The following ZNF292 variants were observed in gnomAD, a reference collection of about 807,000 sequenced individuals.
ZNF292 encodes 16 zinc-finger domain protein.
A neutral mutation model predicts 217.9 loss-of-function variants in ZNF292; 26 were observed. That is an observed-to-expected ratio of 0.12 (90% CI 0.09 to 0.17). ZNF292 has a LOEUF of 0.17. Ranked by LOEUF, ZNF292 falls within the 10% of genes least tolerant of loss-of-function variation. The pLI is 1.00. For synonymous variants in ZNF292, 1,257 were observed against 1,124.1 expected, an observed-to-expected ratio of 1.12 and a Z score of -2.37; for missense variants, 2,904 against 3,175.2, an observed-to-expected ratio of 0.91 and a Z score of 2.05.
intron 7 of ZNF292, among the ~76,000 whole-genome samples, chr6:87,253,242 TGA>T: frequency 7.4e-6 from 1 of 134,734 alleles, no homozygotes; most frequent in African/African-American, 2.9e-5. Context: ...TTTTTTTTTT[TGA>T]GACAGGGTCT....
At chr6:87,252,533 G>A (rs996200302) in intron 7 of ZNF292, among the ~76,000 whole-genome samples, 2 of 152,142 alleles carry the variant, frequency 1.3e-5, no homozygotes, top group South Asian at 2.1e-4. Context: ...ACTTTCACCA[G>A]TAAGAACTTG....
intron 1 of ZNF292, among the ~76,000 whole-genome samples, chr6:87,186,054 C>T (rs1771641445): frequency 6.6e-6 from 1 of 152,180 alleles, no homozygotes; most frequent in South Asian, 2.1e-4. Flanking sequence ...AGTCTTCAGC[C>T]CCTCTCTGCT....
At chr6:87,201,703 C>T (rs1351878428) in intron 1 of ZNF292, among the ~76,000 whole-genome samples, 2 of 152,200 alleles carry the variant, frequency 1.3e-5, no homozygotes, top group Non-Finnish European at 2.9e-5. Flanking sequence ...CACACCCAGC[C>T]TCATCCTAAA....
Position 87,256,935 on chromosome 6 carries a change from C to G in ZNF292, c.3306C>G (p.Val1102=). The change falls in exon 8 of 8, where the codon GTC becomes GTG. Residue 1102 remains valine, a synonymous_variant. Coordinates refer to ENST00000369577, the MANE Select transcript of ZNF292 (RefSeq NM_015021.3). ...KAPVQKFSCQ[V]EGCTRTYNSS... Reference sequence around the variant, plus strand: ...CAGTTCAGAAATTCAGCTGCCAGGTCGAGGGATGTACTCGAACCTATAATT... The same window carrying G: ...CAGTTCAGAAATTCAGCTGCCAGGTGGAGGGATGTACTCGAACCTATAATT... 1 of 1,613,698 alleles carries G rather than the reference C, an allele frequency of 6.2e-7. No individual in the cohort carries two copies.
chr6:87,228,531 A>G (rs917826084), intron 4 of ZNF292, among the ~76,000 whole-genome samples: 2 of 152,098 alleles, frequency 1.3e-5, no homozygotes, highest in African/African-American at 2.4e-5. Flanking sequence ...GCTTTTCTCT[A>G]TGGTTTCTTC....
chr6:87,214,131 T>C (rs1336770192), intron 1 of ZNF292, among the ~76,000 whole-genome samples: 1 of 152,218 alleles, frequency 6.6e-6, no homozygotes, highest in Admixed American at 6.5e-5. Context: ...TAAAAGGCTT[T>C]AATTTCTGTG....
chr6:87,240,305 C>T lies in ZNF292; in HGVS notation c.742-3170C>T, dbSNP rs539537111. 4.4e-4 allele frequency among the ~76,000 whole-genome samples: 62 copies of T among 140,536 alleles called. 1 individual carries two copies. Among genetic ancestry groups the T allele is most frequent in the African/African-American group, 1.6e-3 (58 of 37,208 alleles). 92.2% of individuals were successfully genotyped at this position (140,536 alleles called of 152,430 possible). On this transcript the variant is annotated intron_variant, in intron 5 of 7. Transcript: ENST00000369577. ...GCAGTGAGCAGAGATGGTGGCAGTA[C>T]AGTCCAGCTTCAGCTCGGCATCAGA... is the stretch of plus-strand genomic sequence containing the variant.
intron 1 of ZNF292, among the ~76,000 whole-genome samples, chr6:87,176,959 A>G (rs558150461): frequency 2.6e-5 from 4 of 152,140 alleles, no homozygotes; most frequent in South Asian, 4.2e-4. Flanking sequence ...CCTCCCACCA[A>G]TAAGAAAGCC....
Position 87,261,889 on chromosome 6 carries a change from AT to A in ZNF292, c.*95del. ...GCTAGAATTGTGAAACTTTCATTAT[AT>A]TTTTTTGTTGTTGACATGAATTAAC... On this transcript the variant is annotated 3_prime_UTR_variant, in exon 8 of 8. Coordinates refer to ENST00000369577, the MANE Select transcript of ZNF292 (RefSeq NM_015021.3). 1.6e-5 allele frequency: 16 copies of A among 996,694 alleles called. No individual in the cohort carries two copies. Among genetic ancestry groups the A allele is most frequent in the South Asian group, 2.9e-5 (1 of 34,972 alleles). The allele number at this position is 996,694 out of a possible 1,614,324, so 61.7% of individuals were successfully genotyped here.
intron 4 of ZNF292, among the ~76,000 whole-genome samples, chr6:87,227,586 C>T (rs1365322824): frequency 6.6e-6 from 1 of 152,120 alleles, no homozygotes; most frequent in Non-Finnish European, 1.5e-5. Flanking sequence ...CATTAAACAA[C>T]AACTCCCCTT....
At chr6:87,173,527 C>CTTTG (rs977571505) in intron 1 of ZNF292, 10 of 163,542 alleles carry the variant, frequency 6.1e-5, no homozygotes, top group African/African-American at 2.4e-4. Flanking sequence ...TTTTCTCCTC[C>CTTTG]TTTGGCTCAT....
In ZNF292 at chr6:87,206,759, A is replaced by G. The variant is rs1056061433; in HGVS notation, c.169-9144A>G. On this transcript the variant is annotated intron_variant, in intron 1 of 7. Coordinates refer to ENST00000369577, the MANE Select transcript of ZNF292 (RefSeq NM_015021.3). ...CAATCACTTTGTCATGCAAAATTGC[A>G]CATTAAAGATCACGGGGCTTACCGA... is the stretch of plus-strand genomic sequence containing the variant. 4.6e-5 allele frequency among the ~76,000 whole-genome samples: 7 copies of G among 152,350 alleles called. No homozygotes were observed. In the East Asian group the frequency reaches 1.3e-3, roughly 29 times the overall value.
chr6:87,241,754 T>C (rs1054139921), intron 5 of ZNF292, among the ~76,000 whole-genome samples: 1 of 152,210 alleles, frequency 6.6e-6, no homozygotes, highest in Admixed American at 6.5e-5. Flanking sequence ...CAGACATGAT[T>C]GGATTTGTGG....
chr6:87,256,989 G>A lies in ZNF292; in HGVS notation c.3360G>A (p.Lys1120=), dbSNP rs553945975. 2 of 1,613,670 alleles carry A rather than the reference G, an allele frequency of 1.2e-6. No individual in the cohort carries two copies. The highest frequency in any genetic ancestry group is 2.2e-5 in the South Asian group (2 of 91,070). The part of the protein sequence containing the change: ...NSSQSIGKHM[K]TAHPDQYAAF... Reference sequence around the variant, plus strand: ...CACAGAGTATTGGGAAACACATGAAGACAGCACACCCTGACCAATATGCTG... The same window carrying A: ...CACAGAGTATTGGGAAACACATGAAAACAGCACACCCTGACCAATATGCTG... The change falls in exon 8 of 8, where the codon AAG becomes AAA. Residue 1120 remains lysine, a synonymous_variant. Transcript: ENST00000369577.
chr6:87,229,551 C>T (rs543532013), intron 4 of ZNF292, among the ~76,000 whole-genome samples: 30 of 152,260 alleles, frequency 2.0e-4, no homozygotes, highest in African/African-American at 7.2e-4. Flanking sequence ...CTCAGCCTCC[C>T]GAGTAGCTGG....
chr6:87,181,484 A>G (rs1025692845), intron 1 of ZNF292, among the ~76,000 whole-genome samples: 7 of 152,112 alleles, frequency 4.6e-5, no homozygotes, highest in African/African-American at 1.7e-4. Flanking sequence ...AATGGGGGCA[A>G]GATGGGGGAA....
chr6:87,261,709 C>A lies in ZNF292; in HGVS notation c.8080C>A (p.Leu2694Met), dbSNP rs778600432. 1.9e-6 allele frequency: 3 copies of A among 1,612,962 alleles called. No individual in the cohort carries two copies. The South Asian group carries it at 3.3e-5, about 18-fold the overall frequency. The change falls in exon 8 of 8, where the codon CTG (leucine) becomes ATG (methionine). Residue 2694 changes from leucine to methionine, a missense_variant. This residue lies in a region of ZNF292 where 380 missense variants were observed against 355.3 expected (regional missense o/e 1.07). Transcript: ENST00000369577. ...TCAGGAAATGAAACCTACCGTCAGTCTGAAAAAACTTGAAGTACATTCAAA... is the reference window on the plus strand; with the variant it reads ...TCAGGAAATGAAACCTACCGTCAGTATGAAAAAACTTGAAGTACATTCAAA... Reference protein sequence around the residue: ...QLQEMKPTVSLKKLEVHSNDP... With the variant: ...QLQEMKPTVSMKKLEVHSNDP...
chr6:87,221,908 T>G (rs1773100862), intron 4 of ZNF292, among the ~76,000 whole-genome samples: 1 of 152,186 alleles, frequency 6.6e-6, no homozygotes, highest in Admixed American at 6.5e-5. Flanking sequence ...GTTAATGTAA[T>G]GTAAGATGAC....
chr6:87,213,975 C>T (rs1012902896), intron 1 of ZNF292: 25 of 152,206 alleles, frequency 1.6e-4, no homozygotes, highest in Middle Eastern at 3.4e-3. Context: ...TGGGAAGAAA[C>T]AGGGGAAGGT....
Sources: allele counts gnomAD v4.1 joint callset (sites outside exome capture counted in the v4.1 genomes callset), GRCh38; gene constraint gnomAD v4.1.1; regional missense constraint gnomAD v4.1.1; transcripts MANE v1.5; gene names NCBI Gene and HGNC (gene_info 2026-07-23, HGNC 2026-07-21).